JMJD1C: variants seen among roughly 807,000 people sequenced by gnomAD.
JMJD1C encodes the protein jumonji domain containing 1C, also known as jumonji domain-containing protein 1C.
Under a neutral mutation model 245.3 loss-of-function variants are expected in JMJD1C, and 31 were observed. The ratio of observed to expected loss-of-function variants is 0.13; its 90% CI spans 0.09 to 0.17. The LOEUF is 0.17. Ranked by LOEUF, JMJD1C falls within the 10% of genes least tolerant of loss-of-function variation. The pLI is 1.00. For synonymous variants in JMJD1C, 1,057 were observed against 1,017.4 expected (o/e 1.04, Z -0.74); for missense variants, 2,691 against 3,000.2 (o/e 0.90, Z 2.41).
chr10:63,436,386 C>A (rs763747897), intron 1 of JMJD1C, among the ~76,000 whole-genome samples: 16 of 152,184 alleles, frequency 1.1e-4, no homozygotes, highest in Non-Finnish European at 2.1e-4. Context: ...CTCTTAAAAT[C>A]TCCTTTGAAG....
chr10:63,261,840 A>G (rs750363607), intron 3 of JMJD1C, among the ~76,000 whole-genome samples: 5 of 152,236 alleles, frequency 3.3e-5, no homozygotes, highest in Non-Finnish European at 7.3e-5. Flanking sequence ...AATCAAGGAT[A>G]AAGGTGGCAG....
At chr10:63,351,790 C>T (rs906863161) in intron 2 of JMJD1C, among the ~76,000 whole-genome samples, 6 of 152,090 alleles carry the variant, frequency 3.9e-5, no homozygotes, top group Admixed American at 3.9e-4. Context: ...TAGCACCGAG[C>T]AAATACGGCT....
chr10:63,475,903 A>AT (rs1424946959), intron 1 of JMJD1C, among the ~76,000 whole-genome samples: 1 of 152,160 alleles, frequency 6.6e-6, no homozygotes, highest in African/African-American at 2.4e-5. Flanking sequence ...GTACTAGGTG[A>AT]TAATAGATTT....
chr10:63,311,574 T>C (rs1406963600), intron 2 of JMJD1C, among the ~76,000 whole-genome samples: 1 of 152,154 alleles, frequency 6.6e-6, no homozygotes, highest in Admixed American at 6.5e-5. Flanking sequence ...AATCATATAA[T>C]TGAAAACCAC....
chr10:63,409,053 G>C lies in JMJD1C; in HGVS notation c.169-28571C>G, dbSNP rs1013786180. On this transcript the variant is annotated intron_variant, in intron 1 of 25. Coordinates refer to ENST00000399262, the MANE Select transcript of JMJD1C (RefSeq NM_032776.3). ...GAAATTAAAAGTCAACATATACTAA[G>C]TAGCTAACCAAAAATTGTGTTGACA... Among the ~76,000 whole-genome samples, 3 of 152,158 alleles carry C rather than the reference G, an allele frequency of 2.0e-5. No individual in the cohort carries two copies. In the East Asian group the frequency reaches 5.8e-4, roughly 29 times the overall value.
intron 3 of JMJD1C, among the ~76,000 whole-genome samples, chr10:63,252,390 T>C (rs1228384096): frequency 6.6e-6 from 1 of 152,168 alleles, no homozygotes; most frequent in Non-Finnish European, 1.5e-5. Flanking sequence ...AACACATGGA[T>C]AGGTTTAATC....
intron 24 of JMJD1C, 149 bp downstream of exon 24, chr10:63,176,148 T>G: frequency 2.0e-6 from 1 of 508,566 alleles, no homozygotes; most frequent in South Asian, 4.0e-5. Flanking sequence ...CTGCAAGCAC[T>G]GAGATGTCAT....
intron 1 of JMJD1C, among the ~76,000 whole-genome samples, chr10:63,501,706 G>A (rs1054245252): frequency 6.6e-6 from 1 of 152,108 alleles, no homozygotes; most frequent in Admixed American, 6.6e-5. Context: ...AACCCAGGAG[G>A]CGGTGCTTGC....
intron 4 of JMJD1C, 116 bp downstream of exon 4, chr10:63,219,762 C>CCCTA (rs1464882593): frequency 1.2e-5 from 7 of 606,250 alleles, no homozygotes; most frequent in Non-Finnish European, 1.8e-5. Context: ...ATGTATATAA[C>CCCTA]TCAAAATATT....
rs915551254 is a variant in JMJD1C at position 63,193,357 on chromosome 10, A to G, written c.5850T>C (p.Asn1950=). The change falls in exon 15 of 26, where the codon AAT becomes AAC. Residue 1950 remains asparagine (N), a synonymous_variant. Coordinates refer to ENST00000399262, the MANE Select transcript of JMJD1C (RefSeq NM_032776.3). ...GATTTTTACTCACTTGAGATACACC[A>G]TTCATTGTAGGAAAATTTCCAACTT... is the stretch of plus-strand genomic sequence containing the variant. ...NLQVGNFPTM[N]GVSQVLQNVL... 11 of 1,599,540 alleles carry G rather than the reference A, an allele frequency of 6.9e-6. No homozygotes were observed. The highest frequency in any genetic ancestry group is 9.4e-6 in the Non-Finnish European group (11 of 1,173,610).
rs746161035 is a variant in JMJD1C at position 63,183,573 on chromosome 10, T to C, written c.6962-4A>G. 3 of 1,523,374 alleles carry C rather than the reference T, an allele frequency of 2.0e-6. No individual in the cohort carries two copies. Among genetic ancestry groups the C allele is most frequent in the Middle Eastern group, 1.8e-4 (1 of 5,680 alleles). 94.4% of individuals were successfully genotyped at this position (1,523,374 alleles called of 1,614,324 possible). A position where few individuals can be genotyped will look rare whatever the true frequency, so the allele number is the denominator to read the frequency against. On this transcript the variant is annotated splice_region_variant and splice_polypyrimidine_tract_variant and intron_variant, in intron 21 of 25. Coordinates refer to ENST00000399262, the MANE Select transcript of JMJD1C (RefSeq NM_032776.3). ...TGATCTTTAGCAGCAACTACACCTG[T>C]ATATAAAACAAAATTTTACTTGACA... is the stretch of plus-strand genomic sequence containing the variant.
intron 1 of JMJD1C, among the ~76,000 whole-genome samples, chr10:63,391,536 C>CAAA (rs1948059651): frequency 1.4e-5 from 2 of 143,652 alleles, no homozygotes; most frequent in South Asian, 2.3e-4. Context: ...ACAACAACAA[C>CAAA]AACAAAAAAG....
chr10:63,444,142 T>C (rs528280288), intron 1 of JMJD1C, among the ~76,000 whole-genome samples: 3 of 152,334 alleles, frequency 2.0e-5, no homozygotes, highest in South Asian at 4.1e-4. Context: ...CTGAGGAGTT[T>C]TCTGATTTCA....
At chr10:63,292,880 C>T (rs1239866302) in intron 2 of JMJD1C, among the ~76,000 whole-genome samples, 1 of 151,904 alleles carries the variant, frequency 6.6e-6, no homozygotes, top group African/African-American at 2.4e-5. Flanking sequence ...CCCCTCTCTA[C>T]AAAAAATACA....
At chr10:63,436,350 C>T (rs975033790) in intron 1 of JMJD1C, among the ~76,000 whole-genome samples, 3 of 152,176 alleles carry the variant, frequency 2.0e-5, no homozygotes, top group East Asian at 3.8e-4. Flanking sequence ...ATGACTCCAG[C>T]TCTTAAATTC....
chr10:63,362,473 TTATATA>T (rs144958118), intron 2 of JMJD1C, among the ~76,000 whole-genome samples: 99,551 of 149,966 alleles, frequency 0.66, 35,585 homozygotes, highest in Non-Finnish European at 0.81. Context: ...ATATATTTAT[TTATATA>T]TATATTTATT....
intron 16 of JMJD1C, 35 bp downstream of exon 16, chr10:63,192,903 C>T: frequency 1.4e-6 from 2 of 1,460,138 alleles, no homozygotes; most frequent in Non-Finnish European, 1.9e-6. Context: ...TACTATACTC[C>T]TCTCACACAT....
chr10:63,392,867 AACACAC>A (rs34778084), intron 1 of JMJD1C, among the ~76,000 whole-genome samples: 2,327 of 112,232 alleles, frequency 0.021, 38 homozygotes, highest in East Asian at 0.067. Context: ...AAAGTACATA[AACACAC>A]ACACACACAC....
intron 13 of JMJD1C, among the ~76,000 whole-genome samples, chr10:63,196,492 A>G (rs768052291): frequency 9.9e-5 from 15 of 152,100 alleles, no homozygotes; most frequent in Non-Finnish European, 2.1e-4. Context: ...ATGCTTCCAC[A>G]TTTGCTCAGG....
Sources: gnomAD v4.1 joint callset for allele counts (sites outside exome capture counted in the v4.1 genomes callset) on GRCh38, gnomAD v4.1.1 for gene constraint, MANE v1.5 for transcripts, NCBI Gene and HGNC (gene_info 2026-07-23, HGNC 2026-07-21) for gene names.